Variants in NKAIN2 observed in about 807,000 individuals in gnomAD.
The protein encoded by NKAIN2 is sodium/potassium transporting ATPase interacting 2.
A neutral mutation model predicts 32.6 loss-of-function variants in NKAIN2; 14 were observed. The observed-to-expected ratio is 0.43, with a 90% CI of 0.28 to 0.67. NKAIN2 has a LOEUF of 0.67. NKAIN2 is among the 30% of genes least tolerant of loss of function. The probability of loss-of-function intolerance (pLI) is 0.17; values close to 1 mark genes in which losing one functional copy is unlikely to be tolerated. For synonymous variants in NKAIN2, 80 were observed against 87.2 expected, an observed-to-expected ratio of 0.92 and a Z score of 0.46; for missense variants, 198 against 258.3, an observed-to-expected ratio of 0.77 and a Z score of 1.60.
At chr6:124,136,249 A>G (rs1786778335) in intron 1 of NKAIN2, among the ~76,000 whole-genome samples, 1 of 152,178 alleles carries the variant, frequency 6.6e-6, no homozygotes, top group African/African-American at 2.4e-5. Context: ...GAATACCTTT[A>G]CATGCACAAT....
chr6:123,993,059 G>A (rs1779479150), intron 1 of NKAIN2, among the ~76,000 whole-genome samples: 1 of 152,084 alleles, frequency 6.6e-6, no homozygotes, highest in Non-Finnish European at 1.5e-5. Context: ...CTATGTCATG[G>A]GTGTTGTGAG....
In NKAIN2 at chr6:124,617,283, A is replaced by C. The variant is rs549757694; in HGVS notation, c.274-40903A>C. Reference sequence around the variant, plus strand: ...TCTCCGAGATTCAAAGTCTTCCTTCATCTGGTTCCAAATCAGTTTTCTATC... The same window carrying C: ...TCTCCGAGATTCAAAGTCTTCCTTCCTCTGGTTCCAAATCAGTTTTCTATC... On this transcript the variant is annotated intron_variant, in intron 3 of 6. Coordinates refer to ENST00000368417, the MANE Select transcript of NKAIN2 (RefSeq NM_001040214.3). 3.9e-5 allele frequency among the ~76,000 whole-genome samples: 6 copies of C among 152,298 alleles called. No individual in the cohort carries two copies. In the South Asian group the frequency reaches 1.2e-3, roughly 32 times the overall value.
chr6:123,914,314 A>C (rs1408122742), intron 1 of NKAIN2, among the ~76,000 whole-genome samples: 1 of 152,004 alleles, frequency 6.6e-6, no homozygotes, highest in African/African-American at 2.4e-5. Flanking sequence ...AGGGAGAAAG[A>C]GGGAGAAAAG....
At chr6:123,823,941 G>T (rs1774030654) in intron 1 of NKAIN2, among the ~76,000 whole-genome samples, 1 of 152,136 alleles carries the variant, frequency 6.6e-6, no homozygotes, top group Admixed American at 6.6e-5. Context: ...GTTAGGAATA[G>T]ATGGAAAACA....
rs897108862 is a variant in NKAIN2, at chr6:124,408,224, G to T, written c.273+52877G>T. Among the ~76,000 whole-genome samples the T allele has an allele frequency of 2.7e-3, 407 of 152,038 alleles. 3 individuals carry two copies. Among genetic ancestry groups the T allele is most frequent in the African/African-American group, 8.1e-3 (334 of 41,466 alleles). On this transcript the variant is annotated intron_variant, in intron 3 of 6. Coordinates refer to ENST00000368417, the MANE Select transcript of NKAIN2 (RefSeq NM_001040214.3). The stretch of plus-strand genomic sequence containing the variant: ...AATTAGATCCCATTTGTCAATTTTG[G>T]CTTTTGTTGCCATTGCTTTTGGTGT...
intron 3 of NKAIN2, among the ~76,000 whole-genome samples, chr6:124,445,191 A>G (rs1775839859): frequency 1.3e-5 from 2 of 152,060 alleles, no homozygotes; most frequent in African/African-American, 4.8e-5. Flanking sequence ...AACTTTCTGA[A>G]AAGATACACA....
In NKAIN2 at chr6:124,515,715, C is replaced by CTTTCTTTGTGCT. The variant is rs1562232456; in HGVS notation, c.274-142471_274-142470insTTTCTTTGTGCT. 5.4e-4 allele frequency among the ~76,000 whole-genome samples: 2 copies of CTTTCTTTGTGCT among 3,714 alleles called. 1 individual carries two copies. The highest frequency in any genetic ancestry group is 9.7e-3 in the Non-Finnish European group (2 of 206). 2.4% of individuals were successfully genotyped at this position (3,714 alleles called of 152,430 possible). A position where few individuals can be genotyped will look rare whatever the true frequency, so the allele number is the denominator to read the frequency against. On this transcript the variant is annotated intron_variant, in intron 3 of 6. Coordinates refer to ENST00000368417, the MANE Select transcript of NKAIN2 (RefSeq NM_001040214.3). ...TACTTCATTTTTCTTCGCTTTCTCTCCGTCTCGCTCTGTCGCCCAGGCTGG... is the reference window on the plus strand; with the variant it reads ...TACTTCATTTTTCTTCGCTTTCTCTCTTTCTTTGTGCTCGTCTCGCTCTGTCGCCCAGGCTGG...
chr6:124,380,332 T>C (rs1397485931), intron 3 of NKAIN2, among the ~76,000 whole-genome samples: 1 of 152,240 alleles, frequency 6.6e-6, no homozygotes, highest in Middle Eastern at 3.2e-3. Flanking sequence ...TAGAGCATTT[T>C]AGCAGCAAGA....
chr6:124,346,752 G>T (rs1013810904), intron 2 of NKAIN2, among the ~76,000 whole-genome samples: 1 of 151,952 alleles, frequency 6.6e-6, no homozygotes, highest in Non-Finnish European at 1.5e-5. Flanking sequence ...TGGGTTTCCT[G>T]AATACAGCAC....
chr6:124,408,378 G>T (rs909661570), intron 3 of NKAIN2, among the ~76,000 whole-genome samples: 1 of 152,136 alleles, frequency 6.6e-6, no homozygotes, highest in Non-Finnish European at 1.5e-5. Context: ...TTTGTATGAG[G>T]TGTAAGGAAG....
intron 1 of NKAIN2, among the ~76,000 whole-genome samples, chr6:123,830,554 A>G (rs184388930): frequency 2.0e-5 from 3 of 152,252 alleles, no homozygotes; most frequent in Admixed American, 2.0e-4. Context: ...ACACTTACAT[A>G]TCCTTGATAT....
At chr6:124,774,120 AGGCT>A (rs1457320059) in intron 4 of NKAIN2, among the ~76,000 whole-genome samples, 4 of 152,222 alleles carry the variant, frequency 2.6e-5, no homozygotes, top group Non-Finnish European at 5.9e-5. Context: ...TTAGATGATC[AGGCT>A]GGCTGCTGTG....
chr6:123,884,506 T>G (rs1289733970), intron 1 of NKAIN2, among the ~76,000 whole-genome samples: 1 of 152,186 alleles, frequency 6.6e-6, no homozygotes, highest in Admixed American at 6.5e-5. Context: ...GTGTGTTTCT[T>G]GAAGTAATCT....
intron 1 of NKAIN2, among the ~76,000 whole-genome samples, chr6:123,909,760 A>G (rs1775074676): frequency 6.6e-6 from 1 of 152,174 alleles, no homozygotes; most frequent in Non-Finnish European, 1.5e-5. Context: ...CACAGAGTAC[A>G]AAGAAATATG....
At chr6:123,930,424 C>T (rs528834045) in intron 1 of NKAIN2, among the ~76,000 whole-genome samples, 2 of 152,210 alleles carry the variant, frequency 1.3e-5, no homozygotes, top group African/African-American at 4.8e-5. Context: ...ATAATCTTGC[C>T]TTTCTTGATT....
chr6:123,923,262 A>T (rs73773017), intron 1 of NKAIN2, among the ~76,000 whole-genome samples: 7,919 of 152,272 alleles, frequency 0.052, 669 homozygotes, highest in African/African-American at 0.17. Context: ...GAATGAAATT[A>T]AAGCAGATAA....
At chr6:124,760,795 CT>C (rs1213262038) in intron 4 of NKAIN2, among the ~76,000 whole-genome samples, 1 of 152,190 alleles carries the variant, frequency 6.6e-6, no homozygotes, top group African/African-American at 2.4e-5. Context: ...ATTCAAATCA[CT>C]CACTTCACCC....
At chr6:124,726,542 C>G (rs1401114387) in intron 4 of NKAIN2, among the ~76,000 whole-genome samples, 4 of 150,430 alleles carry the variant, frequency 2.7e-5, no homozygotes, top group Non-Finnish European at 5.9e-5. Context: ...ACATCCACAC[C>G]AAAAACCCAT....
chr6:124,270,819 T>G (rs2114876153), intron 1 of NKAIN2, among the ~76,000 whole-genome samples: 1 of 152,314 alleles, frequency 6.6e-6, no homozygotes, highest in South Asian at 2.1e-4. Flanking sequence ...CAGTAAGAGA[T>G]ATGGGAATAG....
Sources: allele counts gnomAD v4.1 joint callset (sites outside exome capture counted in the v4.1 genomes callset), GRCh38; gene constraint gnomAD v4.1.1; transcripts MANE v1.5; gene names NCBI Gene and HGNC (gene_info 2026-07-23, HGNC 2026-07-21).